SIPA1L3: variants seen among roughly 807,000 people sequenced by gnomAD.
SIPA1L3 encodes signal-induced proliferation-associated 1-like protein 3.
Under a neutral mutation model 150.1 loss-of-function variants are expected in SIPA1L3, and 59 were observed. The observed-to-expected ratio is 0.39, with a 90% CI of 0.32 to 0.49. The LOEUF is 0.49. Ranked by LOEUF, SIPA1L3 falls within the 20% of genes least tolerant of loss-of-function variation. The probability of loss-of-function intolerance (pLI) is 0.86; values close to 1 mark genes in which losing one functional copy is unlikely to be tolerated. For synonymous variants in SIPA1L3, 1,070 were observed against 1,077.6 expected, an observed-to-expected ratio of 0.99 and a Z score of 0.14; for missense variants, 2,211 against 2,489.5, an observed-to-expected ratio of 0.89 and a Z score of 2.38.
intron 1 of SIPA1L3, among the ~76,000 whole-genome samples, chr19:38,023,679 G>A (rs189035403): frequency 1.3e-5 from 2 of 152,320 alleles, no homozygotes; most frequent in East Asian, 1.9e-4. Flanking sequence ...AAAGGAGAGC[G>A]AAGCTTACAG....
In SIPA1L3 at chr19:38,186,457, C is replaced by T. The variant is rs1185861773; in HGVS notation, c.4430+3717C>T. Among the ~76,000 whole-genome samples, 5 of 151,280 alleles carry T rather than the reference C, an allele frequency of 3.3e-5. 1 individual carries two copies. In the South Asian group the frequency reaches 6.4e-4, roughly 19 times the overall value. ...CCTACCAAGTAGCTGGGACTACATG[C>T]GCATACCACCATGTCTGGCTAATTT... On this transcript the variant is annotated intron_variant, in intron 16 of 21. Coordinates refer to ENST00000222345, the MANE Select transcript of SIPA1L3 (RefSeq NM_015073.3).
intron 1 of SIPA1L3, among the ~76,000 whole-genome samples, chr19:37,930,046 T>C (rs1470314199): frequency 7.5e-6 from 1 of 133,632 alleles, no homozygotes; most frequent in African/African-American, 2.9e-5. Flanking sequence ...TTTTTTTTAG[T>C]TGGAGTCTCA....
intron 18 of SIPA1L3, among the ~76,000 whole-genome samples, chr19:38,198,015 C>T (rs1973001244): frequency 6.6e-6 from 1 of 152,216 alleles, no homozygotes; most frequent in Admixed American, 6.5e-5. Context: ...CCTCCTGCTG[C>T]TTCCTCCCTT....
At position 38,164,511 on chromosome 19, in the gene SIPA1L3, C is replaced by T. The variant is rs746668100; in HGVS notation, c.3813C>T (p.Ser1271=). Residue 1271 remains serine (S), a synonymous_variant, in exon 15 of 22, where the codon AGC becomes AGT. Transcript: ENST00000222345. The surrounding 1 kb of genome is among the most constrained non-coding windows in gnomAD (Gnocchi z 4.1). ...GEPQYSSHSS[S]NTLSSNASSS... ...CTCAATACTCAAGTCATTCCAGCAGCAACACCCTCTCCAGCAACGCATCCA... is the reference window on the plus strand; with the variant it reads ...CTCAATACTCAAGTCATTCCAGCAGTAACACCCTCTCCAGCAACGCATCCA... 1.6e-5 allele frequency: 26 copies of T among 1,613,074 alleles called. No homozygotes were observed. Among genetic ancestry groups the T allele is most frequent in the African/African-American group, 5.3e-5 (4 of 74,900 alleles).
chr19:37,982,227 A>G (rs1967218670), intron 1 of SIPA1L3, among the ~76,000 whole-genome samples: 1 of 152,220 alleles, frequency 6.6e-6, no homozygotes, highest in East Asian at 1.9e-4. Context: ...AGCCAGAGAA[A>G]GGCGGCAGAA....
intron 1 of SIPA1L3, among the ~76,000 whole-genome samples, chr19:37,963,577 C>A (rs1474329800): frequency 6.6e-6 from 1 of 152,208 alleles, no homozygotes; most frequent in Non-Finnish European, 1.5e-5. Context: ...ATGGGAGGAA[C>A]CCCAAATTAA....
Position 37,962,146 on chromosome 19 carries a change from C to CTTTTT in SIPA1L3, c.-379+54799_-379+54803dup, listed in dbSNP as rs369762947. ...TGTGTCTCACAATTTTTCTTTCATT[C>CTTTTT]TTTTTTTTTTTTTTTGAGACAGAGT... On this transcript the variant is annotated intron_variant, in intron 1 of 21. Transcript: ENST00000222345. Among the ~76,000 whole-genome samples the CTTTTT allele has an allele frequency of 1.8e-4, 26 of 142,254 alleles. 1 individual carries two copies. The highest frequency in any genetic ancestry group is 2.8e-4 in the Admixed American group (4 of 14,322). The allele number at this position is 142,254 out of a possible 152,430, so 93.3% of individuals were successfully genotyped here.
At chr19:38,069,405 G>A (rs955705808) in intron 2 of SIPA1L3, among the ~76,000 whole-genome samples, 13 of 152,108 alleles carry the variant, frequency 8.5e-5, no homozygotes, top group Non-Finnish European at 1.5e-4. Flanking sequence ...CCACACCTGC[G>A]CTCCAGCCTC....
intron 1 of SIPA1L3, among the ~76,000 whole-genome samples, chr19:38,007,703 C>A (rs1446738177): frequency 6.6e-6 from 1 of 151,908 alleles, no homozygotes; most frequent in African/African-American, 2.4e-5. Flanking sequence ...CCTTCATTTT[C>A]CATACCAGGC....
intron 14 of SIPA1L3, 27 bp downstream of exon 14, chr19:38,162,398 C>T (rs764459377): frequency 6.4e-7 from 1 of 1,571,512 alleles, no homozygotes; most frequent in Admixed American, 1.7e-5. Flanking sequence ...CCCTGCCCTA[C>T]CGGGGGAGCC....
At chr19:38,075,162 A>C (rs1969811017) in intron 2 of SIPA1L3, among the ~76,000 whole-genome samples, 1 of 152,184 alleles carries the variant, frequency 6.6e-6, no homozygotes, top group African/African-American at 2.4e-5. Context: ...TTTTTTAGAA[A>C]TTTGCAACTA....
At chr19:38,089,373 T>C (rs1396991684) in intron 4 of SIPA1L3, among the ~76,000 whole-genome samples, 1 of 149,870 alleles carries the variant, frequency 6.7e-6, no homozygotes, top group Non-Finnish European at 1.5e-5. Flanking sequence ...ATGATTTCTA[T>C]AGGATCAGTG....
chr19:38,067,956 T>A (rs1342099126), intron 2 of SIPA1L3, among the ~76,000 whole-genome samples: 1 of 151,928 alleles, frequency 6.6e-6, no homozygotes, highest in African/African-American at 2.4e-5. Context: ...GGGAGCTCTG[T>A]AGTGGTCCCA....
At position 38,130,724 on chromosome 19, in the gene SIPA1L3, C is replaced by T. The variant is rs1426876697; in HGVS notation, c.3095C>T (p.Thr1032Ile). Residue 1032 changes from threonine (T) to isoleucine (I), a missense_variant, in exon 10 of 22, where the codon ACT becomes ATT. Coordinates refer to ENST00000222345, the MANE Select transcript of SIPA1L3 (RefSeq NM_015073.3). The part of the protein sequence containing the change: ...QMIDLLRTSV[T>I]VKVVIIPPFE... Reference sequence around the variant, plus strand: ...ATCGACCTGCTGCGCACCTCTGTCACTGTGAAGGTGGTCATCATCCCGCCT... The same window carrying T: ...ATCGACCTGCTGCGCACCTCTGTCATTGTGAAGGTGGTCATCATCCCGCCT... 1 of 1,613,176 alleles carries T rather than the reference C, an allele frequency of 6.2e-7. No homozygotes were observed.
chr19:38,043,629 C>G (rs1007025990), intron 2 of SIPA1L3, among the ~76,000 whole-genome samples: 4 of 152,208 alleles, frequency 2.6e-5, no homozygotes, highest in African/African-American at 9.7e-5. Context: ...TAGCCTAGTA[C>G]CTGGCACATA....
At chr19:38,107,145 A>G (rs1400592129) in intron 7 of SIPA1L3, among the ~76,000 whole-genome samples, 1 of 152,126 alleles carries the variant, frequency 6.6e-6, no homozygotes, top group Non-Finnish European at 1.5e-5. Context: ...AAGCAAAGAT[A>G]CCTCCTAGCA....
chr19:37,982,952 G>A (rs1179419305), intron 1 of SIPA1L3, among the ~76,000 whole-genome samples: 1 of 152,136 alleles, frequency 6.6e-6, no homozygotes, highest in Non-Finnish European at 1.5e-5. Context: ...TCCTGGGGTC[G>A]AGGGTTCTCT....
At chr19:38,020,959 C>T (rs1447618376) in intron 1 of SIPA1L3, among the ~76,000 whole-genome samples, 2 of 152,172 alleles carry the variant, frequency 1.3e-5, no homozygotes, top group African/African-American at 4.8e-5. Context: ...TGCCACCACA[C>T]CCAGCTAATT....
intron 2 of SIPA1L3, among the ~76,000 whole-genome samples, chr19:38,044,958 A>T (rs1402053629): frequency 6.6e-6 from 1 of 152,342 alleles, no homozygotes; most frequent in East Asian, 1.9e-4. Context: ...GTTGTCAGGA[A>T]TCAATGAGAT....
Sources: gnomAD v4.1 joint callset for allele counts (sites outside exome capture counted in the v4.1 genomes callset) on GRCh38, gnomAD v4.1.1 for gene constraint, Gnocchi (gnomAD v3.1) non-coding constraint, MANE v1.5 for transcripts, NCBI Gene and HGNC (gene_info 2026-07-23, HGNC 2026-07-21) for gene names.